Variants in RBM7 observed in about 807,000 individuals in gnomAD.
RBM7 encodes the protein RNA-binding protein 7.
In RBM7, 13 loss-of-function variants were observed where a neutral mutation model predicts 31.0. That is an observed-to-expected ratio of 0.42 (90% CI 0.27 to 0.67). RBM7 has a LOEUF of 0.67. Among genes scored for constraint, RBM7 ranks in the 30% least tolerant of loss-of-function variants. The probability of loss-of-function intolerance (pLI) is 0.24; values close to 1 mark genes in which losing one functional copy is unlikely to be tolerated. For synonymous variants in RBM7, 106 were observed against 111.2 expected (o/e 0.95, Z 0.30); for missense variants, 245 against 326.2 (o/e 0.75, Z 1.92).
chr11:114,403,962 G>A (rs1013381669), intron 3 of RBM7, among the ~76,000 whole-genome samples: 4 of 152,190 alleles, frequency 2.6e-5, no homozygotes, highest in Admixed American at 2.6e-4. Context: ...AAGAGAAGGA[G>A]ATGATATAGA....
chr11:114,404,878 T>A (rs1946245795), intron 3 of RBM7, among the ~76,000 whole-genome samples: 1 of 152,228 alleles, frequency 6.6e-6, no homozygotes, highest in South Asian at 2.1e-4. Context: ...TCTAAAGACA[T>A]TTAAAAATAA....
intron 3 of RBM7, among the ~76,000 whole-genome samples, chr11:114,404,840 T>TGTAA (rs1389346894): frequency 1.3e-5 from 2 of 152,196 alleles, no homozygotes; most frequent in Non-Finnish European, 2.9e-5. Context: ...AGATCCAAAG[T>TGTAA]GTAAGACCAG....
At chr11:114,403,105 AC>A (rs1194547970) in intron 3 of RBM7, among the ~76,000 whole-genome samples, 190 bp downstream of exon 3, 1 of 152,170 alleles carries the variant, frequency 6.6e-6, no homozygotes, top group East Asian at 1.9e-4. Flanking sequence ...CTATAGACAA[AC>A]ACATTGTATA....
intron 3 of RBM7, among the ~76,000 whole-genome samples, chr11:114,404,892 A>G (rs1434670202): frequency 1.3e-5 from 2 of 152,254 alleles, no homozygotes; most frequent in African/African-American, 4.8e-5. Context: ...AAAATAATTT[A>G]AAACATTTTT....
chr11:114,407,310 C>T (rs1252784080), intron 4 of RBM7, 135 bp from the exon 5 acceptor site: 2 of 786,950 alleles, frequency 2.5e-6, no homozygotes, highest in Admixed American at 2.7e-5. Flanking sequence ...ATGATTGAAG[C>T]TATTGTACTG....
chr11:114,403,327 CAGTT>C (rs1946228471), intron 3 of RBM7, among the ~76,000 whole-genome samples: 1 of 152,010 alleles, frequency 6.6e-6, no homozygotes, highest in South Asian at 2.1e-4. Context: ...TGAAAAATAC[CAGTT>C]AGTCAACAGT....
intron 3 of RBM7, among the ~76,000 whole-genome samples, chr11:114,404,851 C>A (rs1946245589): frequency 6.6e-6 from 1 of 152,130 alleles, no homozygotes; most frequent in Non-Finnish European, 1.5e-5. Flanking sequence ...GTAAGACCAG[C>A]CAATTGGCTA....
Position 114,407,794 on chromosome 11 carries a change from C to T in RBM7, c.791C>T (p.Ser264Leu), listed in dbSNP as rs1273539978. 10 of 1,606,306 alleles carry T rather than the reference C, an allele frequency of 6.2e-6. No homozygotes were observed. Among genetic ancestry groups the T allele is most frequent in the Non-Finnish European group, 7.6e-6 (9 of 1,177,448 alleles). ...RDSSRDGKWR[S>L]SRH is the part of the protein sequence containing the mutation. ...AGTAGTAGAGATGGAAAATGGCGCTCATCTCGACACTAACACATGTTAAAA... is the reference window on the plus strand; with the variant it reads ...AGTAGTAGAGATGGAAAATGGCGCTTATCTCGACACTAACACATGTTAAAA... Residue 264 changes from serine to leucine, a missense_variant, in exon 5 of 5, where the codon TCA becomes TTA. Coordinates refer to ENST00000375490, the MANE Select transcript of RBM7 (RefSeq NM_001286045.2).
intron 1 of RBM7, among the ~76,000 whole-genome samples, chr11:114,401,356 T>C (rs1946197899): frequency 6.6e-6 from 1 of 152,140 alleles, no homozygotes; most frequent in Non-Finnish European, 1.5e-5. Flanking sequence ...CAAAAGTCCG[T>C]TTTTAGTTAA....
Position 114,402,846 on chromosome 11 carries a change from A to G in RBM7, c.278A>G (p.Gln93Arg). The G allele has an allele frequency of 6.2e-7, 1 of 1,613,046 alleles. No homozygotes were observed. The highest frequency in any genetic ancestry group is 8.5e-7 in the Non-Finnish European group (1 of 1,179,050). ...ATTTTAGGAAGTAGTCATGCCCCACAAGATGTCAGTTTGTCATATCCCCAA... is the reference window on the plus strand; with the variant it reads ...ATTTTAGGAAGTAGTCATGCCCCACGAGATGTCAGTTTGTCATATCCCCAA... ...QFRSGSSHAPQDVSLSYPQHH... is the reference protein window; with the variant it reads ...QFRSGSSHAPRDVSLSYPQHH... The change falls in exon 3 of 5, where the codon CAA becomes CGA. Residue 93 changes from glutamine (Q) to arginine (R), a missense_variant. Coordinates refer to ENST00000375490, the MANE Select transcript of RBM7 (RefSeq NM_001286045.2).
rs1946298596 is a variant in RBM7 at position 114,408,575 on chromosome 11, T to A, written c.*768T>A. On this transcript the variant is annotated 3_prime_UTR_variant, in exon 5 of 5. Coordinates refer to ENST00000375490, the MANE Select transcript of RBM7 (RefSeq NM_001286045.2). ...GTAAAATGTTTTACTGAAAGCATAC[T>A]TTTTTGGAAAATAGATTCATGAAGC... The A allele has an allele frequency of 2.0e-5, 3 of 152,738 alleles. No individual in the cohort carries two copies. The highest frequency in any genetic ancestry group is 1.5e-5 in the Non-Finnish European group (1 of 68,010). 9.5% of individuals were successfully genotyped at this position (152,738 alleles called of 1,614,324 possible). A position where few individuals can be genotyped will look rare whatever the true frequency, so the allele number is the denominator to read the frequency against.
At chr11:114,402,962 T>C (rs370365602) in intron 3 of RBM7, 47 bp downstream of exon 3, 13 of 1,443,372 alleles carry the variant, frequency 9.0e-6, no homozygotes, top group Non-Finnish European at 1.3e-5. Flanking sequence ...GGAATTCTTA[T>C]AGGGAATAGC....
chr11:114,402,746 T>A, intron 2 of RBM7, 82 bp from the exon 3 acceptor site: 2 of 1,185,484 alleles, frequency 1.7e-6, no homozygotes, highest in South Asian at 2.5e-5. Context: ...GTTTACCTTT[T>A]TGGAGTGATT....
intron 3 of RBM7, among the ~76,000 whole-genome samples, 171 bp from the exon 4 acceptor site, chr11:114,405,535 A>G (rs905066247): frequency 2.6e-5 from 4 of 152,186 alleles, no homozygotes; most frequent in African/African-American, 9.7e-5. Flanking sequence ...ACGTTTTATC[A>G]CTTAAAATCA....
intron 1 of RBM7, among the ~76,000 whole-genome samples, chr11:114,401,438 A>G (rs1177046794): frequency 9.9e-5 from 15 of 152,216 alleles, no homozygotes; most frequent in Non-Finnish European, 1.0e-4. Flanking sequence ...ATTGGTCACT[A>G]TGTTAAGCCA....
At position 114,408,532 on chromosome 11, in the gene RBM7, G is replaced by A. The variant is rs1946298131; in HGVS notation, c.*725G>A. On this transcript the variant is annotated 3_prime_UTR_variant, in exon 5 of 5. Coordinates refer to ENST00000375490, the MANE Select transcript of RBM7 (RefSeq NM_001286045.2). ...TTTCAGGAAGAACAAAAATGTCAGT[G>A]CATAGTTAGATAAAATGGTAAAATG... is the stretch of plus-strand genomic sequence containing the variant. 6.5e-6 allele frequency: 1 copy of A among 152,710 alleles called. No individual in the cohort carries two copies. The highest frequency in any genetic ancestry group is 6.5e-5 in the Admixed American group (1 of 15,282). The allele number at this position is 152,710 out of a possible 1,614,324, so 9.5% of individuals were successfully genotyped here. A position where few individuals can be genotyped will look rare whatever the true frequency, so the allele number is the denominator to read the frequency against.
At chr11:114,404,624 G>A (rs1946242092) in intron 3 of RBM7, among the ~76,000 whole-genome samples, 3 of 151,908 alleles carry the variant, frequency 2.0e-5, no homozygotes, top group Admixed American at 2.0e-4. Context: ...GACCACTTGA[G>A]GCCTTGAGTT....
intron 4 of RBM7, 21 bp from the exon 5 acceptor site, chr11:114,407,424 T>C: frequency 1.3e-6 from 2 of 1,588,630 alleles, no homozygotes; most frequent in Non-Finnish European, 1.7e-6. Flanking sequence ...TATTAACATT[T>C]CCACTTTTCC....
intron 4 of RBM7, 29 bp downstream of exon 4, chr11:114,405,828 G>GT: frequency 7.2e-7 from 1 of 1,393,358 alleles, no homozygotes; most frequent in Non-Finnish European, 9.8e-7. Context: ...AACTTGAATT[G>GT]CCAAAAAAAA....
Sources: gnomAD v4.1 joint callset for allele counts (sites outside exome capture counted in the v4.1 genomes callset) on GRCh38, gnomAD v4.1.1 for gene constraint, MANE v1.5 for transcripts, NCBI Gene and HGNC (gene_info 2026-07-23, HGNC 2026-07-21) for gene names.